Variants in TFB2M observed in about 807,000 individuals in gnomAD.
TFB2M encodes the protein dimethyladenosine transferase 2, mitochondrial.
Under a neutral mutation model 41.3 loss-of-function variants are expected in TFB2M, and 44 were observed. That is an observed-to-expected ratio of 1.07 (90% CI 0.84 to 1.37). TFB2M has a LOEUF of 1.37. TFB2M is among the 40% of genes most tolerant of loss of function. The pLI is 0.00. For missense variants in TFB2M, 496 were observed against 490.2 expected (o/e 1.01, Z -0.11); for synonymous variants, 188 against 176.8 (o/e 1.06, Z -0.50).
At chr1:246,556,950 C>T (rs1437926275) in intron 3 of TFB2M, among the ~76,000 whole-genome samples, 2 of 152,098 alleles carry the variant, frequency 1.3e-5, no homozygotes, top group African/African-American at 4.8e-5. Flanking sequence ...AGAGCATCTG[C>T]TCATAAACTG....
chr1:246,559,760 C>T (rs1044449218), intron 2 of TFB2M, among the ~76,000 whole-genome samples: 1 of 151,984 alleles, frequency 6.6e-6, no homozygotes, highest in African/African-American at 2.4e-5. Context: ...TCCAGTCTGA[C>T]GATATAAATG....
rs573205500 is a variant in TFB2M at position 246,564,387 on chromosome 1, C to A, written c.361G>T (p.Val121Phe). The A allele has an allele frequency of 4.4e-5, 71 of 1,614,216 alleles. No individual in the cohort carries two copies. In the African/African-American group the frequency reaches 8.4e-4, roughly 19 times the overall value. ...QALLEAGAKV[V>F]ALESDKTFIP... Reference sequence around the variant, plus strand: ...AAAGTTTTGTCACTTTCGAGCGCAACCACTTTGGCACCAGCTTCAAGTAAT... The same window carrying A: ...AAAGTTTTGTCACTTTCGAGCGCAAACACTTTGGCACCAGCTTCAAGTAAT... Residue 121 changes from valine (V) to phenylalanine (F), a missense_variant, in exon 2 of 8, where the codon GTT (valine) becomes TTT (phenylalanine). By Grantham distance (50) the Val-to-Phe change is conservative. Coordinates refer to ENST00000366514, the MANE Select transcript of TFB2M (RefSeq NM_022366.3).
intron 2 of TFB2M, 24 bp from the exon 3 acceptor site, chr1:246,557,558 G>A (rs567401967): frequency 1.8e-5 from 28 of 1,537,064 alleles, no homozygotes; most frequent in African/African-American, 8.4e-5. Flanking sequence ...AAGATAACAC[G>A]TTAAAAATTT....
At chr1:246,562,918 G>C (rs571243219) in intron 2 of TFB2M, among the ~76,000 whole-genome samples, 1 of 152,064 alleles carries the variant, frequency 6.6e-6, no homozygotes, top group Admixed American at 6.6e-5. Context: ...TCTGCCTCCC[G>C]AAGTGCTGGG....
intron 7 of TFB2M, among the ~76,000 whole-genome samples, chr1:246,543,966 G>GACA (rs1265628593): frequency 6.6e-6 from 1 of 152,066 alleles, no homozygotes; most frequent in Admixed American, 6.6e-5. Flanking sequence ...CTTCAGCCTG[G>GACA]ACAACACAGC....
chr1:246,555,295 A>G (rs547770062), intron 4 of TFB2M, among the ~76,000 whole-genome samples: 2 of 152,324 alleles, frequency 1.3e-5, no homozygotes, highest in African/African-American at 4.8e-5. Flanking sequence ...TTCCTCAAAA[A>G]ACTAAAAATA....
rs754243755 is a variant in TFB2M at position 246,565,842 on chromosome 1, CAGT to C, written c.294_296del (p.Leu100del). On this transcript the variant is annotated inframe_deletion, in exon 1 of 8. Coordinates refer to ENST00000366514, the MANE Select transcript of TFB2M (RefSeq NM_022366.3). ...TGGACTCACCTGGATTGCACTCCAG[CAGT>C]AGGTGTGGAGGTCTACTTGGTTTTC... 1.2e-6 allele frequency: 2 copies of C among 1,601,886 alleles called. No homozygotes were observed.
Position 246,557,406 on chromosome 1 carries a change from T to C in TFB2M, c.531A>G (p.Gly177=). Residue 177 remains glycine (G), a synonymous_variant, in exon 3 of 8, where the codon GGA becomes GGG. Coordinates refer to ENST00000366514, the MANE Select transcript of TFB2M (RefSeq NM_022366.3). The part of the protein sequence containing the change: ...MSSRGLFKNL[G]IEAVPWTADI... ...CTGCTGTCCAAGGAACTGCTTCTATTCCCAAATTCTTAAAGAGCCCTCGAG... is the reference window on the plus strand; with the variant it reads ...CTGCTGTCCAAGGAACTGCTTCTATCCCCAAATTCTTAAAGAGCCCTCGAG... The C allele has an allele frequency of 6.2e-7, 1 of 1,612,548 alleles. No homozygotes were observed. The highest frequency in any genetic ancestry group is 8.5e-7 in the Non-Finnish European group (1 of 1,179,608).
At chr1:246,562,263 T>G (rs564639978) in intron 2 of TFB2M, among the ~76,000 whole-genome samples, 3 of 152,156 alleles carry the variant, frequency 2.0e-5, no homozygotes, top group African/African-American at 7.2e-5. Flanking sequence ...TTTCCTAAGT[T>G]GAAACGGAAG....
At chr1:246,551,466 C>T (rs980930742) in intron 4 of TFB2M, among the ~76,000 whole-genome samples, 164 bp from the exon 5 acceptor site, 22 of 152,186 alleles carry the variant, frequency 1.4e-4, no homozygotes, top group African/African-American at 5.3e-4. Context: ...CCTGTAGTCC[C>T]AGCTACTCGA....
intron 6 of TFB2M, 72 bp downstream of exon 6, chr1:246,548,473 T>C (rs989956767): frequency 2.3e-6 from 3 of 1,317,000 alleles, no homozygotes; most frequent in African/African-American, 3.0e-5. Flanking sequence ...GACTACCAAA[T>C]AGTCCTAAAA....
intron 4 of TFB2M, among the ~76,000 whole-genome samples, chr1:246,555,781 G>C (rs1204038627): frequency 6.6e-6 from 1 of 151,374 alleles, no homozygotes; most frequent in Non-Finnish European, 1.5e-5. Flanking sequence ...ACAAACTGTA[G>C]TATATATATA....
intron 4 of TFB2M, among the ~76,000 whole-genome samples, chr1:246,554,397 A>C (rs1378426814): frequency 6.6e-6 from 1 of 152,116 alleles, no homozygotes; most frequent in Non-Finnish European, 1.5e-5. Flanking sequence ...ATCCGTATTT[A>C]TAGCCGCTCC....
intron 6 of TFB2M, 140 bp downstream of exon 6, chr1:246,548,405 T>C (rs1291541540): frequency 3.2e-6 from 2 of 630,218 alleles, no homozygotes; most frequent in Admixed American, 3.3e-5. Flanking sequence ...TCATTAAAAG[T>C]AGTAAGATAT....
chr1:246,561,056 C>T (rs1177648593), intron 2 of TFB2M, among the ~76,000 whole-genome samples: 2 of 152,218 alleles, frequency 1.3e-5, no homozygotes, highest in East Asian at 3.8e-4. Context: ...TGGCCAGAAG[C>T]ATTATCCGCT....
rs1358878639 is a variant in TFB2M, at chr1:246,566,241, G to A, written c.-103C>T. On this transcript the variant is annotated 5_prime_UTR_variant, in exon 1 of 8. Transcript: ENST00000366514. ...GGAACATTTTCTGGCGTCCGGGCCA[G>A]GTCAAGCGGAAGTAAACACTAGAGC... The A allele has an allele frequency of 3.2e-6, 4 of 1,234,888 alleles. 1 individual carries two copies. The highest frequency in any genetic ancestry group is 5.7e-4 in the Middle Eastern group (2 of 3,504). 76.5% of individuals were successfully genotyped at this position (1,234,888 alleles called of 1,614,324 possible). A position where few individuals can be genotyped will look rare whatever the true frequency, so the allele number is the denominator to read the frequency against.
At chr1:246,564,239 C>T in intron 2 of TFB2M, 107 bp downstream of exon 2, 7 of 899,738 alleles carry the variant, frequency 7.8e-6, no homozygotes, top group Non-Finnish European at 8.7e-6. Flanking sequence ...GAGATGGCTC[C>T]CTAAAAGATA....
At chr1:246,563,747 A>C in intron 2 of TFB2M, among the ~76,000 whole-genome samples, 1 of 152,252 alleles carries the variant, frequency 6.6e-6, no homozygotes, top group East Asian at 1.9e-4. Flanking sequence ...TTAAAATATT[A>C]TACAGAATTG....
chr1:246,541,062 C>T lies in TFB2M; in HGVS notation c.1160G>A (p.Trp387Ter). ...IERSKDCAYK[W>*]LYDETLEDR ...ATCTTCCAGGGTTTCATCATACAGC[C>T]ATTTATAAGCACAATCTTTGGAACG... The change falls in exon 8 of 8, where the codon TGG (tryptophan) becomes TAG (stop). Residue 387 changes from tryptophan to a stop codon, truncating the protein, a stop_gained. Coordinates refer to ENST00000366514, the MANE Select transcript of TFB2M (RefSeq NM_022366.3). LOFTEE classifies it high-confidence loss of function. 1.2e-6 allele frequency: 2 copies of T among 1,613,062 alleles called. No homozygotes were observed. Among genetic ancestry groups the T allele is most frequent in the Non-Finnish European group, 1.7e-6 (2 of 1,179,504 alleles).
Sources: gnomAD v4.1 joint callset for allele counts (sites outside exome capture counted in the v4.1 genomes callset) on GRCh38, gnomAD v4.1.1 for gene constraint, MANE v1.5 for transcripts, NCBI Gene and HGNC (gene_info 2026-07-23, HGNC 2026-07-21) for gene names.